Variants in GULP1 observed in about 807,000 individuals in gnomAD.
The protein encoded by GULP1 is PTB domain-containing engulfment adapter protein 1.
A neutral mutation model predicts 40.9 loss-of-function variants in GULP1; 19 were observed. The observed-to-expected ratio is 0.46, with a 90% CI of 0.32 to 0.68. GULP1 has a LOEUF of 0.68. Among genes scored for constraint, GULP1 ranks in the 30% least tolerant of loss-of-function variants. The pLI, the probability that GULP1 is intolerant of heterozygous loss-of-function variation, is 0.03. For synonymous variants in GULP1, 119 were observed against 117.6 expected, an observed-to-expected ratio of 1.01 and a Z score of -0.08; for missense variants, 312 against 362.2, an observed-to-expected ratio of 0.86 and a Z score of 1.12.
intron 1 of GULP1, among the ~76,000 whole-genome samples, chr2:188,310,244 A>G (rs911894492): frequency 1.3e-5 from 2 of 152,244 alleles, no homozygotes; most frequent in Non-Finnish European, 2.9e-5. Context: ...CTTTGCACTT[A>G]TAAAACCTCA....
chr2:188,584,185 A>G (rs1197955268), intron 9 of GULP1, 80 bp from the exon 10 acceptor site: 1 of 937,996 alleles, frequency 1.1e-6, no homozygotes. Context: ...GTTTACATAT[A>G]TTTTATATGC....
chr2:188,457,396 G>T (rs1029533609), intron 2 of GULP1, among the ~76,000 whole-genome samples: 2 of 152,104 alleles, frequency 1.3e-5, no homozygotes, highest in African/African-American at 2.4e-5. Flanking sequence ...CTGTTCTCAT[G>T]ATAGTGAATG....
chr2:188,543,358 C>T (rs917983351), intron 7 of GULP1, among the ~76,000 whole-genome samples: 1 of 152,022 alleles, frequency 6.6e-6, no homozygotes. Context: ...AGTGATTCTG[C>T]TGCAGGTAGA....
chr2:188,443,328 G>A (rs963638960), intron 2 of GULP1, among the ~76,000 whole-genome samples: 2 of 152,042 alleles, frequency 1.3e-5, no homozygotes, highest in African/African-American at 2.4e-5. Context: ...TAGCTGGCAC[G>A]ATTTACATGT....
intron 1 of GULP1, among the ~76,000 whole-genome samples, chr2:188,357,480 T>C (rs1415451031): frequency 6.6e-6 from 1 of 152,132 alleles, no homozygotes; most frequent in Non-Finnish European, 1.5e-5. Context: ...GGGTAGTGCA[T>C]ATCAAAACTA....
At chr2:188,472,855 C>G (rs1001210874) in intron 2 of GULP1, among the ~76,000 whole-genome samples, 9 of 152,122 alleles carry the variant, frequency 5.9e-5, no homozygotes, top group African/African-American at 2.2e-4. Context: ...AGATGATTGT[C>G]TGTGTCTGGG....
intron 2 of GULP1, among the ~76,000 whole-genome samples, chr2:188,448,394 G>C (rs1334074191): frequency 6.6e-6 from 1 of 152,040 alleles, no homozygotes; most frequent in East Asian, 1.9e-4. Flanking sequence ...TTTAAAAACA[G>C]TAAAAATAGT....
At position 188,533,090 on chromosome 2, in the gene GULP1, T is replaced by G. The variant is rs558982898; in HGVS notation, c.261+3895T>G. On this transcript the variant is annotated intron_variant, in intron 6 of 11. Coordinates refer to ENST00000409830, the MANE Select transcript of GULP1 (RefSeq NM_016315.4). ...CAATAACTTATGATTTATTAGGTTA[T>G]TCCTTATACCTGCTCTCCTGATTGT... 1.2e-4 allele frequency among the ~76,000 whole-genome samples: 19 copies of G among 152,346 alleles called. 1 individual carries two copies. In the South Asian group the frequency reaches 3.9e-3, roughly 32 times the overall value.
chr2:188,494,546 G>A (rs1176199592), intron 4 of GULP1, among the ~76,000 whole-genome samples: 1 of 151,910 alleles, frequency 6.6e-6, no homozygotes, highest in African/African-American at 2.4e-5. Context: ...AACTGCTATA[G>A]GCCACCGTCA....
chr2:188,357,679 C>T (rs1057119488), intron 1 of GULP1, among the ~76,000 whole-genome samples: 1 of 152,030 alleles, frequency 6.6e-6, no homozygotes, highest in Admixed American at 6.6e-5. Flanking sequence ...GCCGTATGAT[C>T]AGCAGTCTCA....
intron 2 of GULP1, among the ~76,000 whole-genome samples, chr2:188,447,276 A>G (rs559594422): frequency 8.5e-5 from 13 of 152,272 alleles, no homozygotes; most frequent in Admixed American, 7.8e-4. Context: ...TTAGACTTAA[A>G]GAGTCATTTC....
chr2:188,496,074 C>G (rs1433885742), intron 4 of GULP1, among the ~76,000 whole-genome samples: 3 of 152,032 alleles, frequency 2.0e-5, no homozygotes, highest in East Asian at 3.9e-4. Flanking sequence ...GAATTACCCA[C>G]TAATGATGAT....
intron 2 of GULP1, among the ~76,000 whole-genome samples, chr2:188,404,596 G>A (rs1340567595): frequency 6.6e-6 from 1 of 152,162 alleles, no homozygotes; most frequent in Admixed American, 6.5e-5. Flanking sequence ...CCTGGTACCA[G>A]GACAGATCCC....
At chr2:188,386,315 G>A (rs2049739560) in intron 2 of GULP1, among the ~76,000 whole-genome samples, 1 of 152,078 alleles carries the variant, frequency 6.6e-6, no homozygotes, top group Non-Finnish European at 1.5e-5. Context: ...GAACAGCGTA[G>A]GAAAGACCCA....
chr2:188,331,667 T>G (rs951596298), intron 1 of GULP1, among the ~76,000 whole-genome samples: 11 of 152,190 alleles, frequency 7.2e-5, no homozygotes, highest in African/African-American at 2.7e-4. Flanking sequence ...TGTGATTCCA[T>G]TTTGGTATGT....
At chr2:188,559,433 CA>C (rs1032143379) in intron 7 of GULP1, among the ~76,000 whole-genome samples, 1 of 152,284 alleles carries the variant, frequency 6.6e-6, no homozygotes, top group East Asian at 1.9e-4. Context: ...AACTATGCCG[CA>C]GGGGTGGGGC....
Position 188,394,854 on chromosome 2 carries a change from G to A in GULP1, c.-45+10965G>A, listed in dbSNP as rs548330925. Among the ~76,000 whole-genome samples, 2 of 152,296 alleles carry A rather than the reference G, an allele frequency of 1.3e-5. 1 individual carries two copies. Among genetic ancestry groups the A allele is most frequent in the South Asian group, 4.1e-4 (2 of 4,834 alleles). ...TGTATGATGGCTTTCTCAAATGCTG[G>A]TTGTTGCAGTGTGCTTGATGTGTGA... On this transcript the variant is annotated intron_variant, in intron 2 of 11. Coordinates refer to ENST00000409830, the MANE Select transcript of GULP1 (RefSeq NM_016315.4).
At chr2:188,412,584 G>A (rs186047033) in intron 2 of GULP1, among the ~76,000 whole-genome samples, 28 of 152,214 alleles carry the variant, frequency 1.8e-4, no homozygotes, top group African/African-American at 6.3e-4. Context: ...AGATTTGGGT[G>A]GGGACACAGC....
At chr2:188,513,505 T>A (rs2064824851) in intron 4 of GULP1, among the ~76,000 whole-genome samples, 1 of 152,182 alleles carries the variant, frequency 6.6e-6, no homozygotes, top group Non-Finnish European at 1.5e-5. Flanking sequence ...GCCGATCACT[T>A]TTATTTTAAT....
Sources: gnomAD v4.1 joint callset for allele counts (sites outside exome capture counted in the v4.1 genomes callset) on GRCh38, gnomAD v4.1.1 for gene constraint, MANE v1.5 for transcripts, NCBI Gene and HGNC (gene_info 2026-07-23, HGNC 2026-07-21) for gene names.